Variants in SPINK7 observed in about 807,000 individuals in gnomAD.
SPINK7 encodes the protein serine peptidase inhibitor Kazal type 7.
A neutral mutation model predicts 11.6 loss-of-function variants in SPINK7; 8 were observed. The ratio of observed to expected loss-of-function variants is 0.69; its 90% CI spans 0.41 to 1.25. The LOEUF (loss-of-function observed/expected upper bound fraction) is 1.25, where lower values mean the gene tolerates loss of function less well. Among genes scored for constraint, SPINK7 ranks in the 50% most tolerant of loss-of-function variants. SPINK7 has a pLI of 0.01. For synonymous variants in SPINK7, 38 were observed against 35.3 expected (o/e 1.08, Z -0.27); for missense variants, 113 against 99.3 (o/e 1.14, Z -0.58).
rs374969549 is a variant in SPINK7, at chr5:148,312,492, C to T, written c.9C>T (p.Ile3=). 3 of 1,610,834 alleles carry T rather than the reference C, an allele frequency of 1.9e-6. No individual in the cohort carries two copies. The highest frequency in any genetic ancestry group is 2.5e-6 in the Non-Finnish European group (3 of 1,177,330). ...CCACAGCCATTTCCAGCATGAAGAT[C>T]ACTGGGGGTCTCCTTCTGCTCTGTA... is the stretch of plus-strand genomic sequence containing the variant. The part of the protein sequence containing the change: MK[I]TGGLLLLCTV... Residue 3 remains isoleucine (I), a synonymous_variant, in exon 1 of 4, where the codon ATC becomes ATT. Transcript: ENST00000274565.
In SPINK7 at chr5:148,314,131, T is replaced by C; in HGVS notation, c.119T>C (p.Val40Ala). 1.2e-6 allele frequency: 2 copies of C among 1,613,832 alleles called. No individual in the cohort carries two copies. The highest frequency in any genetic ancestry group is 1.7e-6 in the Non-Finnish European group (2 of 1,179,800). The change falls in exon 3 of 4, where the codon GTG becomes GCG. Residue 40 changes from valine to alanine, a missense_variant. Val to Ala is a moderately conservative substitution (Grantham distance 64, BLOSUM62 0). Transcript: ENST00000274565. Reference sequence around the variant, plus strand: ...TGCAGCATTTACAAGAAGTATCCAGTGGTGGCCATCCCCTGCCCCATCACA... The same window carrying C: ...TGCAGCATTTACAAGAAGTATCCAGCGGTGGCCATCCCCTGCCCCATCACA... ...VDCSIYKKYP[V>A]VAIPCPITYL...
chr5:148,313,478 T>A lies in SPINK7; in HGVS notation c.87+79T>A. 2.8e-6 allele frequency: 3 copies of A among 1,062,732 alleles called. No individual in the cohort carries two copies. In the South Asian group the frequency reaches 5.0e-5, roughly 18 times the overall value. 65.8% of individuals were successfully genotyped at this position (1,062,732 alleles called of 1,614,324 possible). On this transcript the variant is annotated intron_variant, in intron 2 of 3. Coordinates refer to ENST00000274565, the MANE Select transcript of SPINK7 (RefSeq NM_032566.3). ...CAACATATATGTAGGATAAATTATG[T>A]TTAGGGGGATTCGAGAGGGAGGCAA...
intron 1 of SPINK7, among the ~76,000 whole-genome samples, chr5:148,313,065 A>G (rs1756881239): frequency 6.6e-6 from 1 of 152,114 alleles, no homozygotes; most frequent in African/African-American, 2.4e-5. Context: ...AGGAGTGATG[A>G]TTTTAATACT....
chr5:148,315,789 G>A lies in SPINK7; in HGVS notation c.*105G>A, dbSNP rs374904796. The A allele has an allele frequency of 4.3e-6, 3 of 702,018 alleles. No homozygotes were observed. Among genetic ancestry groups the A allele is most frequent in the African/African-American group, 1.8e-5 (1 of 56,930 alleles). The allele number at this position is 702,018 out of a possible 1,614,324, so 43.5% of individuals were successfully genotyped here. ...CAGTTTTACTGATGTTCTGGGTGGG[G>A]GACAGAGCCAGATTCAGAGTAATCT... On this transcript the variant is annotated 3_prime_UTR_variant, in exon 4 of 4. Transcript: ENST00000274565.
intron 3 of SPINK7, among the ~76,000 whole-genome samples, chr5:148,315,315 CT>C (rs1349684030): frequency 6.6e-6 from 1 of 152,136 alleles, no homozygotes; most frequent in African/African-American, 2.4e-5. Flanking sequence ...CGTCAAAGGA[CT>C]TGCTGACCAG....
chr5:148,313,285 GA>G, intron 1 of SPINK7, 88 bp from the exon 2 acceptor site: 1 of 971,912 alleles, frequency 1.0e-6, no homozygotes, highest in Non-Finnish European at 1.5e-6. Flanking sequence ...AGGAAATGTA[GA>G]GTAATTATAT....
chr5:148,313,593 T>TA (rs985679670), intron 2 of SPINK7, 194 bp downstream of exon 2: 4 of 430,462 alleles, frequency 9.3e-6, no homozygotes, highest in African/African-American at 8.2e-5. Flanking sequence ...AAATGTTTTT[T>TA]AAAAATGCCA....
intron 2 of SPINK7, 55 bp downstream of exon 2, chr5:148,313,454 A>AACATAATTTATCCT: frequency 7.6e-7 from 1 of 1,314,130 alleles, no homozygotes; most frequent in Non-Finnish European, 1.1e-6. Context: ...TCATTTAGTC[A>AACATAATTTATCCT]ACATATATGT....
At chr5:148,313,893 C>A (rs1756894635) in intron 2 of SPINK7, 3 of 594,532 alleles carry the variant, frequency 5.0e-6, no homozygotes, top group African/African-American at 3.7e-5. Context: ...CCCAGAAATG[C>A]CCAGCAATTG....
intron 2 of SPINK7, 132 bp from the exon 3 acceptor site, chr5:148,313,968 C>T: frequency 1.9e-6 from 2 of 1,059,744 alleles, no homozygotes; most frequent in Middle Eastern, 2.3e-4. Context: ...AGTGATAACA[C>T]TAGTACTTAA....
At chr5:148,313,623 C>T (rs146656729) in intron 2 of SPINK7, 13 of 406,746 alleles carry the variant, frequency 3.2e-5, no homozygotes, top group African/African-American at 6.1e-5. Flanking sequence ...AAGGGAGAAC[C>T]GCCTTCCAGC....
intron 1 of SPINK7, 51 bp from the exon 2 acceptor site, chr5:148,313,323 G>T: frequency 7.0e-7 from 1 of 1,433,646 alleles, no homozygotes; most frequent in South Asian, 1.2e-5. Context: ...TAATTAATGA[G>T]ATTTAAAGTT....
intron 3 of SPINK7, 173 bp downstream of exon 3, chr5:148,314,397 G>A (rs1756903774): frequency 1.6e-5 from 11 of 681,544 alleles, no homozygotes; most frequent in Non-Finnish European, 2.2e-5. Context: ...ACAGGGTAGA[G>A]TCACCTGCTC....
intron 2 of SPINK7, 54 bp downstream of exon 2, chr5:148,313,453 C>T: frequency 4.5e-6 from 6 of 1,333,412 alleles, no homozygotes; most frequent in Non-Finnish European, 5.3e-6. Context: ...GTCATTTAGT[C>T]AACATATATG....
chr5:148,315,634 C>T lies in SPINK7; in HGVS notation c.213-5C>T. ...ATGAATCTTGTGAACTGTGTCTTCC[C>T]TTAGGAAAAGTAATGGAAGAGTTCA... On this transcript the variant is annotated splice_polypyrimidine_tract_variant and splice_region_variant and intron_variant, in intron 3 of 3. Transcript: ENST00000274565. 6.3e-7 allele frequency: 1 copy of T among 1,591,166 alleles called. No homozygotes were observed. The highest frequency in any genetic ancestry group is 1.1e-5 in the South Asian group (1 of 90,198).
In SPINK7 at chr5:148,315,729, ATCT is replaced by A; in HGVS notation, c.*48_*50del. The A allele has an allele frequency of 8.5e-7, 1 of 1,171,684 alleles. No individual in the cohort carries two copies. Among genetic ancestry groups the A allele is most frequent in the Non-Finnish European group, 1.3e-6 (1 of 779,098 alleles). The allele number at this position is 1,171,684 out of a possible 1,614,324, so 72.6% of individuals were successfully genotyped here. A position where few individuals can be genotyped will look rare whatever the true frequency, so the allele number is the denominator to read the frequency against. On this transcript the variant is annotated 3_prime_UTR_variant, in exon 4 of 4. Transcript: ENST00000274565. ...AGAAAGGAATGATATTCTCATCATC[ATCT>A]TCATCATCCCAGGCTCTGACTGAGT...
intron 1 of SPINK7, among the ~76,000 whole-genome samples, chr5:148,313,031 T>C (rs1416764172): frequency 6.6e-6 from 1 of 152,108 alleles, no homozygotes; most frequent in Non-Finnish European, 1.5e-5. Flanking sequence ...GGAAAGGATA[T>C]CAGAGATGAT....
intron 3 of SPINK7, 33 bp from the exon 4 acceptor site, chr5:148,315,606 C>T (rs1275761773): frequency 6.9e-7 from 1 of 1,457,704 alleles, no homozygotes. Flanking sequence ...TCCTCTTGTG[C>T]TAATGAATCT....
At chr5:148,314,061 C>T in intron 2 of SPINK7, 39 bp from the exon 3 acceptor site, 1 of 1,612,600 alleles carries the variant, frequency 6.2e-7, no homozygotes, top group Non-Finnish European at 8.5e-7. Flanking sequence ...AGCTTGGGGT[C>T]TGGGAGAAAA....
Sources: allele counts gnomAD v4.1 joint callset (sites outside exome capture counted in the v4.1 genomes callset), GRCh38; gene constraint gnomAD v4.1.1; transcripts MANE v1.5; gene names NCBI Gene and HGNC (gene_info 2026-07-23, HGNC 2026-07-21).